Variants in WDTC1 observed in about 807,000 individuals in gnomAD.
The protein encoded by WDTC1 is WD and tetratricopeptide repeats 1, also known as WD and tetratricopeptide repeats protein 1.
A neutral mutation model predicts 76.0 loss-of-function variants in WDTC1; 12 were observed. That is an observed-to-expected ratio of 0.16 (90% confidence interval 0.10 to 0.26). The LOEUF is 0.26. Ranked by LOEUF, WDTC1 falls within the 10% of genes least tolerant of loss-of-function variation. WDTC1 has a pLI of 1.00. For synonymous variants in WDTC1, 326 were observed against 350.8 expected, an observed-to-expected ratio of 0.93 and a Z score of 0.79; for missense variants, 511 against 908.8, an observed-to-expected ratio of 0.56 and a Z score of 5.63.
intron 1 of WDTC1, chr1:27,255,589 G>A (rs1262144800): frequency 2.0e-5 from 3 of 152,064 alleles, no homozygotes; most frequent in African/African-American, 7.2e-5. Flanking sequence ...TTTTTGCTGA[G>A]ATGGAGTCTC....
rs914123002 is a variant in WDTC1 at position 27,301,590 on chromosome 1, T to G, written c.1468+129T>G. ...GATGTTGATTCAGAAACCATGCAAC[T>G]TTGGGGCAGTTACTTGGTGTCTCTC... On this transcript the variant is annotated intron_variant, in intron 13 of 15. Coordinates refer to ENST00000319394, the MANE Select transcript of WDTC1 (RefSeq NM_001276252.2). The surrounding 1 kb of genome is among the most constrained non-coding windows in gnomAD (Gnocchi z 5.8). 1.9e-6 allele frequency: 2 copies of G among 1,039,250 alleles called. No individual in the cohort carries two copies. The highest frequency in any genetic ancestry group is 3.2e-5 in the African/African-American group (2 of 62,730). The allele number at this position is 1,039,250 out of a possible 1,614,324, so 64.4% of individuals were successfully genotyped here.
chr1:27,259,450 G>T (rs1240791682), intron 1 of WDTC1, among the ~76,000 whole-genome samples: 1 of 150,420 alleles, frequency 6.6e-6, no homozygotes, highest in Non-Finnish European at 1.5e-5. Flanking sequence ...TTACAGGCAT[G>T]AGCCACTCTG....
chr1:27,289,538 C>T (rs370038343), intron 6 of WDTC1, among the ~76,000 whole-genome samples: 1,904 of 147,866 alleles, frequency 0.013, 22 homozygotes, highest in East Asian at 0.024. Context: ...ACATCCCAGA[C>T]GATGGGCGGC....
rs1196925837 is a variant in WDTC1, at chr1:27,234,831, G to C, written c.-220G>C. 1 of 396,968 alleles carries C rather than the reference G, an allele frequency of 2.5e-6. No individual in the cohort carries two copies. Among genetic ancestry groups the C allele is most frequent in the African/African-American group, 2.1e-5 (1 of 48,508 alleles). 24.6% of individuals were successfully genotyped at this position (396,968 alleles called of 1,614,324 possible). A position where few individuals can be genotyped will look rare whatever the true frequency, so the allele number is the denominator to read the frequency against. On this transcript the variant is annotated 5_prime_UTR_variant, in exon 1 of 16. Transcript: ENST00000319394. ...GCATGGGAAGGGGCTAGAACTGCTCGAGCCCCCCAGCCCCCTCCCCGGGAT... is the reference window on the plus strand; with the variant it reads ...GCATGGGAAGGGGCTAGAACTGCTCCAGCCCCCCAGCCCCCTCCCCGGGAT...
intron 3 of WDTC1, among the ~76,000 whole-genome samples, chr1:27,270,259 A>G (rs2012828053): frequency 6.6e-6 from 1 of 152,208 alleles, no homozygotes; most frequent in African/African-American, 2.4e-5. Flanking sequence ...TGTTGGCTTC[A>G]AAATGAAGAA....
chr1:27,255,848 C>T (rs1007717239), intron 1 of WDTC1, among the ~76,000 whole-genome samples: 4 of 152,236 alleles, frequency 2.6e-5, no homozygotes, highest in South Asian at 4.1e-4. Flanking sequence ...GGATTACAGG[C>T]GTGAACCACC....
At chr1:27,248,715 A>G (rs2011933306) in intron 1 of WDTC1, among the ~76,000 whole-genome samples, 1 of 152,016 alleles carries the variant, frequency 6.6e-6, no homozygotes. Context: ...GCTGGAGTGC[A>G]GTGGTGTGAT....
intron 6 of WDTC1, among the ~76,000 whole-genome samples, chr1:27,288,604 C>T (rs983883556): frequency 3.4e-4 from 52 of 151,232 alleles, no homozygotes; most frequent in African/African-American, 1.2e-3. Context: ...CATCTTGCAC[C>T]GCCCTTAATC....
chr1:27,299,528 G>C (rs2013778966), intron 12 of WDTC1, among the ~76,000 whole-genome samples: 3 of 151,974 alleles, frequency 2.0e-5, no homozygotes, highest in Admixed American at 2.0e-4. Flanking sequence ...AGATGAAATG[G>C]TGTGAACAAA....
rs912038743 is a variant in WDTC1, at chr1:27,306,036, C to T, written c.1837-150C>T. On this transcript the variant is annotated intron_variant, in intron 15 of 15. Transcript: ENST00000319394. The surrounding 1 kb of genome is among the most constrained non-coding windows in gnomAD (Gnocchi z 5.0). ...CAATATGTAGCCAAGGTTGTGTGTT[C>T]CCCTCCACCATATACACCTCCTGGC... The T allele has an allele frequency of 1.2e-6, 1 of 865,134 alleles. No homozygotes were observed. Among genetic ancestry groups the T allele is most frequent in the Non-Finnish European group, 1.8e-6 (1 of 559,556 alleles). The allele number at this position is 865,134 out of a possible 1,614,324, so 53.6% of individuals were successfully genotyped here.
At chr1:27,300,606 C>T (rs1365615875) in intron 12 of WDTC1, among the ~76,000 whole-genome samples, 3 of 152,166 alleles carry the variant, frequency 2.0e-5, no homozygotes, top group Non-Finnish European at 2.9e-5. Flanking sequence ...CCCTTACCAT[C>T]AGCTTCCAGA....
intron 5 of WDTC1, among the ~76,000 whole-genome samples, chr1:27,286,467 CTTTTTTT>C (rs1172585069): frequency 8.0e-6 from 1 of 124,442 alleles, no homozygotes; most frequent in Non-Finnish European, 1.7e-5. Context: ...GGATTATTTC[CTTTTTTT>C]TTTTTTTTTT....
At chr1:27,247,993 C>T in intron 1 of WDTC1, among the ~76,000 whole-genome samples, 1 of 152,010 alleles carries the variant, frequency 6.6e-6, no homozygotes, top group East Asian at 1.9e-4. Flanking sequence ...GCTGGGATTA[C>T]AGGCGTGAGC....
At chr1:27,278,924 G>A (rs2013111206) in intron 3 of WDTC1, among the ~76,000 whole-genome samples, 2 of 152,108 alleles carry the variant, frequency 1.3e-5, no homozygotes. Context: ...TTAGCCAGGT[G>A]CAGTGATGTG....
intron 1 of WDTC1, among the ~76,000 whole-genome samples, chr1:27,240,999 G>A (rs1268340677): frequency 6.7e-6 from 1 of 149,642 alleles, no homozygotes; most frequent in African/African-American, 2.4e-5. Context: ...AAAACTTTAA[G>A]CCTGAATAAG....
intron 6 of WDTC1, among the ~76,000 whole-genome samples, chr1:27,290,478 T>C (rs2013506666): frequency 6.6e-6 from 1 of 152,230 alleles, no homozygotes; most frequent in African/African-American, 2.4e-5. Flanking sequence ...GTCTGTCTTG[T>C]TCTTGGTTGT....
At chr1:27,273,836 T>C (rs2147949364) in intron 3 of WDTC1, among the ~76,000 whole-genome samples, 1 of 152,024 alleles carries the variant, frequency 6.6e-6, no homozygotes, top group Admixed American at 6.6e-5. Flanking sequence ...TGTGTGTGTG[T>C]GTGTGCGTGT....
chr1:27,291,921 C>T (rs2013546786), intron 6 of WDTC1, among the ~76,000 whole-genome samples: 2 of 152,142 alleles, frequency 1.3e-5, no homozygotes, highest in Admixed American at 1.3e-4. Context: ...CACATTTTCA[C>T]TAAGTGTTGG....
At chr1:27,244,765 A>G (rs1002136866) in intron 1 of WDTC1, among the ~76,000 whole-genome samples, 2 of 152,192 alleles carry the variant, frequency 1.3e-5, no homozygotes, top group Non-Finnish European at 2.9e-5. Flanking sequence ...GAGTGAAAGG[A>G]AACTTGCATA....
Sources: allele counts gnomAD v4.1 joint callset (sites outside exome capture counted in the v4.1 genomes callset), GRCh38; gene constraint gnomAD v4.1.1; non-coding constraint Gnocchi (gnomAD v3.1); transcripts MANE v1.5; gene names NCBI Gene and HGNC (gene_info 2026-07-23, HGNC 2026-07-21).